NQO2: variants seen among roughly 807,000 people sequenced by gnomAD.
NQO2 encodes the protein ribosyldihydronicotinamide dehydrogenase [quinone].
A neutral mutation model predicts 22.0 loss-of-function variants in NQO2; 18 were observed. The observed-to-expected ratio is 0.82, with a 90% CI of 0.56 to 1.21. The LOEUF is 1.21. Ranked by LOEUF, NQO2 falls within the 50% of genes most tolerant of loss-of-function variation. The pLI, the probability that NQO2 is intolerant of heterozygous loss-of-function variation, is 0.00. For missense variants in NQO2, 267 were observed against 286.9 expected (o/e 0.93, Z 0.50); for synonymous variants, 106 against 110.8 (o/e 0.96, Z 0.28).
At chr6:3,013,016 C>G (rs986877560) in intron 4 of NQO2, among the ~76,000 whole-genome samples, 5 of 121,020 alleles carry the variant, frequency 4.1e-5, no homozygotes, top group Admixed American at 1.1e-4. Flanking sequence ...AGTGCAGTGG[C>G]GGGATCTCGG....
intron 4 of NQO2, among the ~76,000 whole-genome samples, chr6:3,013,473 A>G (rs1428370160): frequency 6.6e-6 from 1 of 151,982 alleles, no homozygotes. Context: ...AACCACATTT[A>G]TCTGCACAAA....
intron 6 of NQO2, among the ~76,000 whole-genome samples, chr6:3,017,385 A>G (rs534646879): frequency 6.6e-6 from 1 of 152,188 alleles, no homozygotes; most frequent in Admixed American, 6.5e-5. Flanking sequence ...GTGCTTGGTG[A>G]GGGCAGCACT....
chr6:3,019,419 C>T, intron 6 of NQO2, 60 bp from the exon 7 acceptor site: 6 of 1,515,726 alleles, frequency 4.0e-6, no homozygotes, highest in Non-Finnish European at 4.4e-6. Flanking sequence ...AATCATTTAA[C>T]TGAATGGTAT....
At chr6:3,014,714 C>T (rs1203377713) in intron 4 of NQO2, among the ~76,000 whole-genome samples, 1 of 152,210 alleles carries the variant, frequency 6.6e-6, no homozygotes, top group Non-Finnish European at 1.5e-5. Context: ...CACTACTGCA[C>T]TACTAATATC....
At chr6:3,007,628 C>A (rs1756996169) in intron 2 of NQO2, among the ~76,000 whole-genome samples, 1 of 152,174 alleles carries the variant, frequency 6.6e-6, no homozygotes, top group South Asian at 2.1e-4. Context: ...GTATATAAGC[C>A]TGGAGACTCT....
At chr6:3,001,916 C>G (rs547554727) in intron 1 of NQO2, 1 of 152,180 alleles carries the variant, frequency 6.6e-6, no homozygotes, top group African/African-American at 2.4e-5. Flanking sequence ...AGTGACACAA[C>G]TGCAAGTCAA....
intron 2 of NQO2, among the ~76,000 whole-genome samples, chr6:3,008,691 T>C: frequency 6.6e-6 from 1 of 152,202 alleles, no homozygotes; most frequent in Non-Finnish European, 1.5e-5. Context: ...TAGGTTCTTT[T>C]CTATATTTCC....
At chr6:3,015,737 T>G in intron 5 of NQO2, 94 bp downstream of exon 5, 1 of 1,245,026 alleles carries the variant, frequency 8.0e-7, no homozygotes, top group Non-Finnish European at 1.1e-6. Context: ...TTTCCTTCCT[T>G]TTCTTAGCAA....
chr6:3,005,857 G>A (rs1233056085), intron 1 of NQO2: 18 of 961,466 alleles, frequency 1.9e-5, no homozygotes, highest in Admixed American at 6.2e-5. Context: ...GAGGGGTGGA[G>A]GGATGTGCTG....
Position 3,016,991 on chromosome 6 carries a change from C to G in NQO2, c.519+6C>G, listed in dbSNP as rs748987159. The G allele has an allele frequency of 1.2e-6, 2 of 1,613,316 alleles. No homozygotes were observed. Among genetic ancestry groups the G allele is most frequent in the African/African-American group, 1.3e-5 (1 of 74,898 alleles). On this transcript the variant is annotated splice_donor_region_variant and intron_variant, in intron 6 of 6. Transcript: ENST00000380455. ...ACTTCCTGTGGCCACTCCAGGTAGACCAGCTGCGAGTGGCTCCCTTGCTTG... is the reference window on the plus strand; with the variant it reads ...ACTTCCTGTGGCCACTCCAGGTAGAGCAGCTGCGAGTGGCTCCCTTGCTTG...
intron 6 of NQO2, among the ~76,000 whole-genome samples, chr6:3,017,771 CAGGTTGTTTAAGGG>C (rs1260362232): frequency 6.6e-6 from 1 of 152,072 alleles, no homozygotes; most frequent in African/African-American, 2.4e-5. Context: ...ACTGTTCTTC[CAGGTTGTTTAAGGG>C]AGGTTTGTCG....
chr6:3,016,793 C>T (rs1561717332), intron 5 of NQO2, 91 bp from the exon 6 acceptor site: 1 of 1,546,600 alleles, frequency 6.5e-7, no homozygotes, highest in South Asian at 1.2e-5. Flanking sequence ...ATGTTCCCTG[C>T]TGGCTGTGCT....
chr6:3,008,546 T>A (rs190673472), intron 2 of NQO2, among the ~76,000 whole-genome samples: 41 of 152,216 alleles, frequency 2.7e-4, no homozygotes, highest in African/African-American at 9.9e-4. Flanking sequence ...GGCCAGGAGT[T>A]CAAGACCAGC....
At chr6:3,007,086 T>C (rs1474324138) in intron 2 of NQO2, among the ~76,000 whole-genome samples, 4 of 152,338 alleles carry the variant, frequency 2.6e-5, no homozygotes, top group Non-Finnish European at 5.9e-5. Context: ...CCTTACTCTA[T>C]ACATTATGGT....
intron 2 of NQO2, among the ~76,000 whole-genome samples, chr6:3,008,400 G>A (rs1235770780): frequency 4.2e-5 from 6 of 143,040 alleles, no homozygotes; most frequent in East Asian, 2.1e-4. Flanking sequence ...CAACAAGAGC[G>A]AAACTCTGTT....
chr6:3,008,502 C>T (rs1757027111), intron 2 of NQO2, among the ~76,000 whole-genome samples: 1 of 152,074 alleles, frequency 6.6e-6, no homozygotes, highest in South Asian at 2.1e-4. Flanking sequence ...GTAATCCCAG[C>T]ACTTTGGGAG....
chr6:3,018,308 C>G (rs1338685669), intron 6 of NQO2, among the ~76,000 whole-genome samples: 1 of 152,172 alleles, frequency 6.6e-6, no homozygotes, highest in Non-Finnish European at 1.5e-5. Context: ...GAGTTTGAGA[C>G]CAGCCTGGCC....
Position 3,019,554 on chromosome 6 carries a change from G to C in NQO2, c.595G>C (p.Glu199Gln). Residue 199 changes from glutamate to glutamine, a missense_variant, in exon 7 of 7, where the codon GAA (glutamate) becomes CAA (glutamine). By Grantham distance (29) the Glu-to-Gln change is conservative. Coordinates refer to ENST00000380455, the MANE Select transcript of NQO2 (RefSeq NM_000904.6). ...ISFAPEIASE[E>Q]ERKGMVAAWS... ...CTTTGCTCCTGAAATTGCATCCGAA[G>C]AAGAAAGAAAGGGGATGGTGGCTGC... 2.5e-6 allele frequency: 4 copies of C among 1,614,168 alleles called. No homozygotes were observed. The highest frequency in any genetic ancestry group is 3.4e-6 in the Non-Finnish European group (4 of 1,180,032).
intron 5 of NQO2, among the ~76,000 whole-genome samples, chr6:3,016,269 A>G (rs1757322033): frequency 6.6e-6 from 1 of 151,974 alleles, no homozygotes; most frequent in Non-Finnish European, 1.5e-5. Context: ...CATCTCTACT[A>G]AAAATACAAA....
Sources: gnomAD v4.1 joint callset for allele counts (sites outside exome capture counted in the v4.1 genomes callset) on GRCh38, gnomAD v4.1.1 for gene constraint, MANE v1.5 for transcripts, NCBI Gene and HGNC (gene_info 2026-07-23, HGNC 2026-07-21) for gene names.